SLC26A5: variants seen among roughly 807,000 people sequenced by gnomAD.
SLC26A5 encodes the protein solute carrier family 26 member 5.
A neutral mutation model predicts 81.0 loss-of-function variants in SLC26A5; 51 were observed. The observed-to-expected ratio is 0.63, with a 90% CI of 0.50 to 0.80. The LOEUF (loss-of-function observed/expected upper bound fraction) is 0.80. Among genes scored for constraint, SLC26A5 ranks in the 30% least tolerant of loss-of-function variants. The probability of loss-of-function intolerance (pLI) is 0.00; values close to 1 mark genes in which losing one functional copy is unlikely to be tolerated. For missense variants in SLC26A5, 771 were observed against 905.8 expected (o/e 0.85, Z 1.91); for synonymous variants, 325 against 332.8 (o/e 0.98, Z 0.25).
In SLC26A5 at chr7:103,446,134, G is replaced by C. The variant is rs937776708; in HGVS notation, c.-219C>G. 1.3e-5 allele frequency: 2 copies of C among 151,412 alleles called. No homozygotes were observed. Among genetic ancestry groups the C allele is most frequent in the Non-Finnish European group, 2.9e-5 (2 of 67,834 alleles). The allele number at this position is 151,412 out of a possible 1,614,324, so 9.4% of individuals were successfully genotyped here. ...GCCCTGGGCGGAGCCGCCCCGCCGC[G>C]CTCCACAGCCGCTGCCTCTTCGACG... On this transcript the variant is annotated 5_prime_UTR_variant, in exon 1 of 20. Coordinates refer to ENST00000306312, the MANE Select transcript of SLC26A5 (RefSeq NM_198999.3).
chr7:103,399,464 G>C (rs570204086), intron 8 of SLC26A5, among the ~76,000 whole-genome samples: 5 of 152,204 alleles, frequency 3.3e-5, no homozygotes, highest in African/African-American at 4.8e-5. Flanking sequence ...CTGAGGAAAA[G>C]AAAAGGTTTG....
At chr7:103,371,363 C>T (rs564048531), downstream of SLC26A5, among the ~76,000 whole-genome samples, 10 of 148,622 alleles carry the variant, frequency 6.7e-5, no homozygotes, top group Admixed American at 3.4e-4. Flanking sequence ...CTCGCTCTGT[C>T]GCCCAGGCTG....
At chr7:103,378,312 G>T (rs1821506344) in intron 17 of SLC26A5, 134 bp downstream of exon 17, 1 of 822,212 alleles carries the variant, frequency 1.2e-6, no homozygotes, top group African/African-American at 1.7e-5. Flanking sequence ...GTAAAATATA[G>T]AGGATACTAA....
rs538262341 is a variant in SLC26A5, at chr7:103,363,766, G to C, written c.2042-10840C>G. Among the ~76,000 whole-genome samples, 40 of 152,260 alleles carry C rather than the reference G, an allele frequency of 2.6e-4. 1 individual carries two copies. The South Asian group carries it at 8.1e-3, about 31-fold the overall frequency. ...TTCAAAAGACATCGAGAAGAAAGGG[G>C]CTTAAATTGAAGCAGGTTAAACTTG... On this transcript the variant is annotated intron_variant, in intron 19 of 19. Coordinates refer to the SLC26A5 transcript ENST00000339444.
chr7:103,435,725 G>A (rs372352676), intron 2 of SLC26A5, among the ~76,000 whole-genome samples: 1 of 152,118 alleles, frequency 6.6e-6, no homozygotes, highest in African/African-American at 2.4e-5. Flanking sequence ...CATACAGGGG[G>A]TTCTTTCTAG....
intron 19 of SLC26A5, among the ~76,000 whole-genome samples, chr7:103,363,054 A>G (rs1820506501): frequency 6.6e-6 from 1 of 152,156 alleles, no homozygotes; most frequent in African/African-American, 2.4e-5. Context: ...TCAGCCTCCC[A>G]AAGTGCTGGG....
At chr7:103,380,791 A>G (rs1821714867) in intron 14 of SLC26A5, among the ~76,000 whole-genome samples, 3 of 151,520 alleles carry the variant, frequency 2.0e-5, no homozygotes, top group South Asian at 2.1e-4. Flanking sequence ...CATACATACC[A>G]CACATGATAC....
intron 4 of SLC26A5, among the ~76,000 whole-genome samples, chr7:103,419,395 C>A (rs1825163375): frequency 6.6e-6 from 1 of 152,216 alleles, no homozygotes; most frequent in South Asian, 2.1e-4. Context: ...TGCTGGAACA[C>A]TGCTTTTCCA....
downstream of SLC26A5, among the ~76,000 whole-genome samples, chr7:103,371,425 C>T (rs930817604): frequency 1.6e-4 from 24 of 147,612 alleles, no homozygotes; most frequent in African/African-American, 5.2e-4. Flanking sequence ...CCCGGGTTCA[C>T]GCCATTCTCC....
At position 103,356,157 on chromosome 7, in the gene SLC26A5, T is replaced by A. The variant is rs190648535; in HGVS notation, c.2042-3231A>T. ...GCATGCAAAGAAACATATCCTGATT[T>A]TTTTTTTTTTAGATATAACTACATG... is the stretch of plus-strand genomic sequence containing the variant. On this transcript the variant is annotated intron_variant, in intron 19 of 19. Transcript: ENST00000339444. 4.7e-3 allele frequency among the ~76,000 whole-genome samples: 719 copies of A among 152,158 alleles called. 2 individuals carry two copies. Among genetic ancestry groups the A allele is most frequent in the Non-Finnish European group, 7.0e-3 (476 of 67,986 alleles).
intron 7 of SLC26A5, among the ~76,000 whole-genome samples, chr7:103,409,725 TGA>T (rs1339992117): frequency 2.0e-5 from 3 of 152,126 alleles, no homozygotes; most frequent in African/African-American, 7.2e-5. Context: ...GTTTTTTTTT[TGA>T]GACAGAGTCT....
intron 14 of SLC26A5, among the ~76,000 whole-genome samples, chr7:103,385,477 C>G (rs577382821): frequency 6.6e-6 from 1 of 151,990 alleles, no homozygotes; most frequent in Admixed American, 6.6e-5. Flanking sequence ...TTCAAACAAA[C>G]GGCCAAACCC....
intron 12 of SLC26A5, among the ~76,000 whole-genome samples, chr7:103,389,741 A>G (rs1221482735): frequency 3.9e-5 from 6 of 152,070 alleles, no homozygotes; most frequent in African/African-American, 1.2e-4. Context: ...TCCTGCCTCA[A>G]CCTTCCCACT....
At chr7:103,395,306 G>T (rs940580742) in intron 9 of SLC26A5, among the ~76,000 whole-genome samples, 44 of 147,708 alleles carry the variant, frequency 3.0e-4, no homozygotes, top group Non-Finnish European at 4.7e-4. Context: ...GAAAGATAAG[G>T]TCTCCTCTGG....
At chr7:103,419,903 A>T (rs1447953591) in intron 4 of SLC26A5, among the ~76,000 whole-genome samples, 1 of 152,090 alleles carries the variant, frequency 6.6e-6, no homozygotes, top group Non-Finnish European at 1.5e-5. Context: ...CATTATAATT[A>T]AAATTTTTAT....
intron 2 of SLC26A5, among the ~76,000 whole-genome samples, chr7:103,442,661 T>A (rs1826965508): frequency 6.6e-6 from 1 of 152,212 alleles, no homozygotes; most frequent in Admixed American, 6.5e-5. Context: ...TAAAACACCC[T>A]CATTTTATAC....
chr7:103,378,733 C>T (rs531052682), intron 16 of SLC26A5, among the ~76,000 whole-genome samples, 180 bp from the exon 17 acceptor site: 1 of 152,300 alleles, frequency 6.6e-6, no homozygotes, highest in East Asian at 1.9e-4. Context: ...AGTAGCCTTT[C>T]TTATTCTCAG....
rs138315765 is a variant in SLC26A5 at position 103,443,664 on chromosome 7, A to T, written c.-182-453T>A. ...AACTTAATTAGGCTAATCTGTCTTCAGTCTTTTACAAAGAATACAATTATT... is the reference window on the plus strand; with the variant it reads ...AACTTAATTAGGCTAATCTGTCTTCTGTCTTTTACAAAGAATACAATTATT... On this transcript the variant is annotated intron_variant, in intron 1 of 19. Coordinates refer to ENST00000306312, the MANE Select transcript of SLC26A5 (RefSeq NM_198999.3). 2.6e-5 allele frequency among the ~76,000 whole-genome samples: 4 copies of T among 152,360 alleles called. No individual in the cohort carries two copies. In the East Asian group the frequency reaches 7.7e-4, roughly 29 times the overall value.
chr7:103,420,975 A>G, intron 3 of SLC26A5, 98 bp from the exon 4 acceptor site: 1 of 1,354,384 alleles, frequency 7.4e-7, no homozygotes, highest in South Asian at 1.2e-5. Flanking sequence ...CCCAGGAGCA[A>G]TCTGGAAAAA....
Sources: gnomAD v4.1 joint callset for allele counts (sites outside exome capture counted in the v4.1 genomes callset) on GRCh38, gnomAD v4.1.1 for gene constraint, MANE v1.5 for transcripts, NCBI Gene and HGNC (gene_info 2026-07-23, HGNC 2026-07-21) for gene names.